Variants in ATP1A4 observed in about 807,000 individuals in gnomAD.
ATP1A4 encodes ATPase Na+/K+ transporting subunit alpha 4.
A neutral mutation model predicts 114.3 loss-of-function variants in ATP1A4; 90 were observed. That is an observed-to-expected ratio of 0.79 (90% confidence interval 0.66 to 0.94). ATP1A4 has a LOEUF of 0.94. Ranked by LOEUF, ATP1A4 falls within the 40% of genes least tolerant of loss-of-function variation. The pLI is 0.00. For synonymous variants in ATP1A4, 511 were observed against 494.1 expected, an observed-to-expected ratio of 1.03 and a Z score of -0.45; for missense variants, 1,222 against 1,313.6, an observed-to-expected ratio of 0.93 and a Z score of 1.08.
Position 160,186,833 on chromosome 1 carries a change from G to A in ATP1A4, c.*134G>A. ...TGGATGAGAAAGATGGGCAATCCTG[G>A]GCTGGCTTGAGGGAATCATGGGCAG... is the stretch of plus-strand genomic sequence containing the variant. On this transcript the variant is annotated 3_prime_UTR_variant, in exon 22 of 22. Coordinates refer to ENST00000368081, the MANE Select transcript of ATP1A4 (RefSeq NM_144699.4). 9.1e-7 allele frequency: 1 copy of A among 1,093,368 alleles called. No individual in the cohort carries two copies. Among genetic ancestry groups the A allele is most frequent in the Non-Finnish European group, 1.4e-6 (1 of 739,378 alleles). The allele number at this position is 1,093,368 out of a possible 1,614,324, so 67.7% of individuals were successfully genotyped here. A position where few individuals can be genotyped will look rare whatever the true frequency, so the allele number is the denominator to read the frequency against.
intron 14 of ATP1A4, 125 bp from the exon 15 acceptor site, chr1:160,174,454 C>A (rs918882916): frequency 2.7e-6 from 4 of 1,459,202 alleles, no homozygotes; most frequent in African/African-American, 2.8e-5. Context: ...GGGAGAAGGA[C>A]GGGAGCCCTA....
At chr1:160,183,953 CTTTT>C (rs35692428) in intron 20 of ATP1A4, among the ~76,000 whole-genome samples, 1 of 129,160 alleles carries the variant, frequency 7.7e-6, no homozygotes, top group Non-Finnish European at 1.6e-5. Flanking sequence ...ATTGATAATG[CTTTT>C]TTTTTTTTTT....
chr1:160,186,024 G>A (rs758635255), intron 20 of ATP1A4, among the ~76,000 whole-genome samples: 4 of 144,230 alleles, frequency 2.8e-5, no homozygotes, highest in Non-Finnish European at 6.0e-5. Context: ...AAATCCGGGA[G>A]GCAGAGGTTG....
At chr1:160,177,448 C>G (rs1051104204) in intron 17 of ATP1A4, 71 bp from the exon 18 acceptor site, 16 of 1,560,492 alleles carry the variant, frequency 1.0e-5, no homozygotes, top group Non-Finnish European at 1.4e-5. Flanking sequence ...GCCCCCAGCC[C>G]TCCCCTGGCC....
chr1:160,182,059 G>T (rs375016208), intron 20 of ATP1A4, 28 bp downstream of exon 20: 1 of 1,562,456 alleles, frequency 6.4e-7, no homozygotes, highest in African/African-American at 1.4e-5. Flanking sequence ...TGCAAGCAGG[G>T]GATGTGCAGG....
chr1:160,181,504 G>A (rs1245780476), intron 18 of ATP1A4, among the ~76,000 whole-genome samples, 180 bp from the exon 19 acceptor site: 2 of 148,690 alleles, frequency 1.3e-5, no homozygotes, highest in Non-Finnish European at 3.0e-5. Flanking sequence ...GCAGTAAGCA[G>A]AGACCACACC....
chr1:160,158,282 G>A (rs530665696), intron 4 of ATP1A4, among the ~76,000 whole-genome samples: 19 of 152,246 alleles, frequency 1.2e-4, no homozygotes, highest in South Asian at 6.2e-4. Context: ...CTTTTTCTTC[G>A]TGATCTCTCT....
chr1:160,171,796 C>G (rs1383005522), intron 12 of ATP1A4, 39 bp downstream of exon 12: 1 of 1,595,984 alleles, frequency 6.3e-7, no homozygotes, highest in Non-Finnish European at 8.5e-7. Flanking sequence ...TCACCTGTCA[C>G]AAGTTGAAGC....
chr1:160,175,616 G>A (rs1449888322), intron 15 of ATP1A4, among the ~76,000 whole-genome samples: 1 of 151,886 alleles, frequency 6.6e-6, no homozygotes, highest in Non-Finnish European at 1.5e-5. Flanking sequence ...AGTGCAGAGA[G>A]GGATTCGATC....
Position 160,181,675 on chromosome 1 carries a change from T to C in ATP1A4, c.2737-9T>C. The C allele has an allele frequency of 6.2e-7, 1 of 1,614,066 alleles. No individual in the cohort carries two copies. The highest frequency in any genetic ancestry group is 8.5e-7 in the Non-Finnish European group (1 of 1,179,972). ...CTGACACTGTTTCCTCTCTCCCTGC[T>C]GTCTCTAGACCTATGAGCAACGAAA... On this transcript the variant is annotated splice_polypyrimidine_tract_variant and intron_variant, in intron 18 of 21. Transcript: ENST00000368081.
rs1653369895 is a variant in ATP1A4 at position 160,174,249 on chromosome 1, A to T, written c.2130A>T (p.Gly710=). ...AGCAGAAGCTCATCATTGTCGAGGG[A>T]TGTCAGAGGCTGGTAAGGAACGAAA... The part of the protein sequence containing the change: ...SPQQKLIIVE[G]CQRLGAVVAV... The change falls in exon 14 of 22, where the codon GGA becomes GGT. Residue 710 remains glycine, a synonymous_variant. Transcript: ENST00000368081. 2 of 1,613,898 alleles carry T rather than the reference A, an allele frequency of 1.2e-6. No individual in the cohort carries two copies. The highest frequency in any genetic ancestry group is 1.7e-6 in the Non-Finnish European group (2 of 1,179,996).
At chr1:160,173,434 T>C (rs1229376223) in intron 12 of ATP1A4, 147 bp from the exon 13 acceptor site, 46 of 1,129,280 alleles carry the variant, frequency 4.1e-5, no homozygotes, top group Non-Finnish European at 5.5e-5. Flanking sequence ...GTAGCATGGT[T>C]TTTGGTCTAC....
intron 4 of ATP1A4, among the ~76,000 whole-genome samples, chr1:160,157,106 G>A (rs72706635): frequency 0.032 from 4,841 of 152,160 alleles, 119 homozygotes; most frequent in Non-Finnish European, 0.05. Context: ...AGACAGGGAC[G>A]TGGCAACTAA....
At chr1:160,184,154 T>G (rs1311286189) in intron 20 of ATP1A4, among the ~76,000 whole-genome samples, 1 of 152,114 alleles carries the variant, frequency 6.6e-6, no homozygotes, top group East Asian at 1.9e-4. Flanking sequence ...GGTTTCTTCA[T>G]GTTGGTCAGG....
At chr1:160,166,058 C>T (rs953645699) in intron 7 of ATP1A4, among the ~76,000 whole-genome samples, 6 of 152,100 alleles carry the variant, frequency 3.9e-5, no homozygotes, top group East Asian at 3.9e-4. Flanking sequence ...TCACTTGAGC[C>T]CAGGAGTTCA....
chr1:160,179,667 G>T (rs988058633), intron 18 of ATP1A4, among the ~76,000 whole-genome samples: 1 of 152,158 alleles, frequency 6.6e-6, no homozygotes, highest in Admixed American at 6.5e-5. Flanking sequence ...TCACTCATTT[G>T]TTCATTCAGA....
At chr1:160,158,232 T>A (rs533034052) in intron 4 of ATP1A4, among the ~76,000 whole-genome samples, 1 of 152,302 alleles carries the variant, frequency 6.6e-6, no homozygotes, top group South Asian at 2.1e-4. Context: ...CTCATCCACA[T>A]GTCTGGGCCC....
chr1:160,152,530 CATG>C (rs1222069377), intron 1 of ATP1A4, among the ~76,000 whole-genome samples: 2 of 152,112 alleles, frequency 1.3e-5, no homozygotes, highest in African/African-American at 4.8e-5. Flanking sequence ...AAGATGTTCT[CATG>C]ATGAGGTGAT....
chr1:160,154,795 C>G (rs913515228), intron 2 of ATP1A4, among the ~76,000 whole-genome samples: 1 of 152,182 alleles, frequency 6.6e-6, no homozygotes, highest in Non-Finnish European at 1.5e-5. Flanking sequence ...GAGATAGGTT[C>G]TCAAGTTCAA....
Sources: gnomAD v4.1 joint callset for allele counts (sites outside exome capture counted in the v4.1 genomes callset) on GRCh38, gnomAD v4.1.1 for gene constraint, MANE v1.5 for transcripts, NCBI Gene and HGNC (gene_info 2026-07-23, HGNC 2026-07-21) for gene names.